GLYATL3: variants seen among roughly 807,000 people sequenced by gnomAD.
GLYATL3 encodes glycine N-acyltransferase-like protein 3.
In GLYATL3, 31 loss-of-function variants were observed where a neutral mutation model predicts 28.5. The observed-to-expected ratio is 1.09, with a 90% CI of 0.82 to 1.47. GLYATL3 has a LOEUF of 1.47. Ranked by LOEUF, GLYATL3 falls within the 40% of genes most tolerant of loss-of-function variation. The pLI, the probability that GLYATL3 is intolerant of heterozygous loss-of-function variation, is 0.00. For synonymous variants in GLYATL3, 141 were observed against 140.2 expected (o/e 1.01, Z -0.04); for missense variants, 369 against 351.5 (o/e 1.05, Z -0.40).
chr6:49,520,776 G>A (rs1027711040), intron 4 of GLYATL3, among the ~76,000 whole-genome samples: 2 of 152,170 alleles, frequency 1.3e-5, no homozygotes, highest in African/African-American at 4.8e-5. Context: ...AGCGCTTTGG[G>A]AGACCAAGGC....
At chr6:49,510,625 A>G (rs552712523) in intron 1 of GLYATL3, among the ~76,000 whole-genome samples, 2 of 152,352 alleles carry the variant, frequency 1.3e-5, no homozygotes, top group Non-Finnish European at 2.9e-5. Flanking sequence ...AGATGACACA[A>G]ATGAGTGAAA....
Position 49,515,684 on chromosome 6 carries a change from G to C in GLYATL3, c.110G>C (p.Gly37Ala), listed in dbSNP as rs1309880975. The change falls in exon 3 of 6, where the codon GGG (glycine) becomes GCG (alanine). Residue 37 changes from glycine (G) to alanine (A), a missense_variant. Physicochemically the swap from Gly to Ala is moderately conservative, Grantham distance 60. Transcript: ENST00000371197. The stretch of plus-strand genomic sequence containing the variant: ...GGAGCGGTGATGAACATAAATCGTG[G>C]GAACCCCTTTCAAAAGGAAGTGGTG... The part of the protein sequence containing the change: ...VYGAVMNINR[G>A]NPFQKEVVLD... The C allele has an allele frequency of 6.4e-7, 1 of 1,550,828 alleles. No individual in the cohort carries two copies. Among genetic ancestry groups the C allele is most frequent in the Admixed American group, 2.0e-5 (1 of 50,954 alleles).
At chr6:49,505,447 A>G (rs1768995035) in intron 1 of GLYATL3, among the ~76,000 whole-genome samples, 1 of 152,192 alleles carries the variant, frequency 6.6e-6, no homozygotes, top group Non-Finnish European at 1.5e-5. Context: ...AGTAGAAATG[A>G]CTTTATCTTT....
chr6:49,518,426 C>T (rs1241550837), intron 4 of GLYATL3, among the ~76,000 whole-genome samples: 1 of 152,130 alleles, frequency 6.6e-6, no homozygotes. Flanking sequence ...GGTGTTGGCA[C>T]AGGCAATAAT....
chr6:49,505,619 C>T (rs1270158340), intron 1 of GLYATL3, among the ~76,000 whole-genome samples: 8 of 152,140 alleles, frequency 5.3e-5, no homozygotes, highest in African/African-American at 7.2e-5. Flanking sequence ...ATAGTGCCAA[C>T]GAAGTCAGCC....
In GLYATL3 at chr6:49,501,159, G is replaced by C. The variant is rs147614670; in HGVS notation, c.-29+1117G>C. Among the ~76,000 whole-genome samples, 495 of 152,270 alleles carry C rather than the reference G, an allele frequency of 3.3e-3. 4 individuals carry two copies. Among genetic ancestry groups the C allele is most frequent in the African/African-American group, 0.011 (469 of 41,548 alleles). On this transcript the variant is annotated intron_variant, in intron 1 of 5. Transcript: ENST00000371197. The stretch of plus-strand genomic sequence containing the variant: ...TCACACCTGTAATCCCAGCACTTTG[G>C]GGGGCCAAGGCAGGTGGATCACATG...
At chr6:49,501,282 G>A (rs927851752) in intron 1 of GLYATL3, among the ~76,000 whole-genome samples, 4 of 152,010 alleles carry the variant, frequency 2.6e-5, no homozygotes, top group Admixed American at 6.5e-5. Context: ...GGTGTGTATC[G>A]CGGGAGCTGG....
At chr6:49,522,830 G>A (rs1040947491) in intron 5 of GLYATL3, among the ~76,000 whole-genome samples, 3 of 152,068 alleles carry the variant, frequency 2.0e-5, no homozygotes, top group Non-Finnish European at 4.4e-5. Flanking sequence ...ACACATAAAT[G>A]TTTAAAGGAT....
Position 49,517,480 on chromosome 6 carries a change from C to T in GLYATL3, c.237C>T (p.Tyr79=), listed in dbSNP as rs562359963. 1 of 1,549,824 alleles carries T rather than the reference C, an allele frequency of 6.5e-7. No individual in the cohort carries two copies. Among genetic ancestry groups the T allele is most frequent in the Non-Finnish European group, 8.7e-7 (1 of 1,145,532 alleles). The change falls in exon 4 of 6, where the codon TAC becomes TAT. Residue 79 remains tyrosine (Y), a synonymous_variant. Coordinates refer to ENST00000371197, the MANE Select transcript of GLYATL3 (RefSeq NM_001010904.2). ...DHYTNAYAVF[Y]KDVRAYRQLL... is the part of the protein sequence containing the mutation. ...ATACTAATGCCTATGCTGTGTTCTACAAGGATGTCAGGGCTTATCGACAGC... is the reference window on the plus strand; with the variant it reads ...ATACTAATGCCTATGCTGTGTTCTATAAGGATGTCAGGGCTTATCGACAGC...
intron 1 of GLYATL3, among the ~76,000 whole-genome samples, chr6:49,506,268 T>C (rs1018153939): frequency 6.6e-6 from 1 of 152,188 alleles, no homozygotes; most frequent in African/African-American, 2.4e-5. Context: ...AGGTAAAACA[T>C]TGAATTAATT....
At chr6:49,505,570 A>G (rs1045754267) in intron 1 of GLYATL3, among the ~76,000 whole-genome samples, 2 of 152,240 alleles carry the variant, frequency 1.3e-5, no homozygotes, top group African/African-American at 4.8e-5. Context: ...AGTATTTCCT[A>G]GAAATTGAAA....
chr6:49,502,822 T>C (rs1407622617), intron 1 of GLYATL3, among the ~76,000 whole-genome samples: 1 of 152,162 alleles, frequency 6.6e-6, no homozygotes, highest in Non-Finnish European at 1.5e-5. Flanking sequence ...TTCTGTAGAA[T>C]ATTATTAATA....
At chr6:49,507,714 A>G (rs1399800009) in intron 1 of GLYATL3, among the ~76,000 whole-genome samples, 2 of 152,146 alleles carry the variant, frequency 1.3e-5, no homozygotes, top group African/African-American at 2.4e-5. Context: ...CCTGCAATGC[A>G]ATGGGACTCT....
At chr6:49,526,404 C>T in intron 5 of GLYATL3, 84 bp from the exon 6 acceptor site, 1 of 1,175,316 alleles carries the variant, frequency 8.5e-7, no homozygotes, top group African/African-American at 1.5e-5. Context: ...CAGAGCAAGA[C>T]TGTGTCTCGA....
chr6:49,515,706 G>A lies in GLYATL3; in HGVS notation c.132G>A (p.Val44=). ...INRGNPFQKE[V]VLDSWPDFKA... ...GTGGGAACCCCTTTCAAAAGGAAGTGGTGTTGGATTCATGGCCGGATTTCA... is the reference window on the plus strand; with the variant it reads ...GTGGGAACCCCTTTCAAAAGGAAGTAGTGTTGGATTCATGGCCGGATTTCA... The change falls in exon 3 of 6, where the codon GTG becomes GTA. Residue 44 remains valine, a synonymous_variant. Coordinates refer to ENST00000371197, the MANE Select transcript of GLYATL3 (RefSeq NM_001010904.2). The A allele has an allele frequency of 6.4e-7, 1 of 1,551,522 alleles. No individual in the cohort carries two copies. The highest frequency in any genetic ancestry group is 8.7e-7 in the Non-Finnish European group (1 of 1,146,742).
At chr6:49,504,256 C>T (rs544792344) in intron 1 of GLYATL3, among the ~76,000 whole-genome samples, 22 of 126,774 alleles carry the variant, frequency 1.7e-4, no homozygotes, top group Admixed American at 4.3e-4. Context: ...TTTTTTTTGA[C>T]GGTTGGATGT....
chr6:49,518,897 C>A (rs903003957), intron 4 of GLYATL3, among the ~76,000 whole-genome samples: 1 of 151,722 alleles, frequency 6.6e-6, no homozygotes, highest in Non-Finnish European at 1.5e-5. Context: ...GCCGAGATCG[C>A]GCCACTGCAC....
intron 4 of GLYATL3, among the ~76,000 whole-genome samples, chr6:49,520,537 C>T (rs1769295474): frequency 6.6e-6 from 1 of 152,176 alleles, no homozygotes; most frequent in East Asian, 1.9e-4. Flanking sequence ...ATGCATTCTT[C>T]AAGAAGTCCC....
At chr6:49,524,942 C>T (rs1273379484) in intron 5 of GLYATL3, among the ~76,000 whole-genome samples, 1 of 138,874 alleles carries the variant, frequency 7.2e-6, no homozygotes, top group Non-Finnish European at 1.5e-5. Flanking sequence ...GCACTCCAGC[C>T]TGGGCAACAA....
Sources: allele counts gnomAD v4.1 joint callset (sites outside exome capture counted in the v4.1 genomes callset), GRCh38; gene constraint gnomAD v4.1.1; transcripts MANE v1.5; gene names NCBI Gene and HGNC (gene_info 2026-07-23, HGNC 2026-07-21).